The following GABRA4 variants were observed in gnomAD, a reference collection of about 807,000 sequenced individuals.
GABRA4 encodes gamma-aminobutyric acid receptor subunit alpha-4.
GABRA4 carries 12 observed loss-of-function variants against 49.7 expected under a neutral mutation model. The ratio of observed to expected loss-of-function variants is 0.24; its 90% CI spans 0.15 to 0.39. The LOEUF (loss-of-function observed/expected upper bound fraction) is 0.39. GABRA4 is among the 10% of genes least tolerant of loss of function. GABRA4 has a pLI of 1.00. For synonymous variants in GABRA4, 288 were observed against 240.2 expected, an observed-to-expected ratio of 1.20 and a Z score of -1.84; for missense variants, 506 against 686.0, an observed-to-expected ratio of 0.74 and a Z score of 2.93.
At chr4:46,981,904 G>A (rs1385706457) in intron 2 of GABRA4, among the ~76,000 whole-genome samples, 1 of 152,072 alleles carries the variant, frequency 6.6e-6, no homozygotes, top group Non-Finnish European at 1.5e-5. Flanking sequence ...AGAACTCCAA[G>A]AGGACAAGAT....
At chr4:46,938,427 G>A (rs1174695534) in intron 8 of GABRA4, among the ~76,000 whole-genome samples, 1 of 151,988 alleles carries the variant, frequency 6.6e-6, no homozygotes, top group Non-Finnish European at 1.5e-5. Context: ...AGGCAACAGG[G>A]GCACTGTCTT....
At chr4:46,974,187 G>C in intron 6 of GABRA4, 45 bp downstream of exon 6, 1 of 1,556,288 alleles carries the variant, frequency 6.4e-7, no homozygotes, top group East Asian at 2.3e-5. Flanking sequence ...AAACTTTATT[G>C]CTAACACCAA....
intron 2 of GABRA4, among the ~76,000 whole-genome samples, chr4:46,989,599 T>C (rs1257254022): frequency 6.6e-6 from 1 of 152,242 alleles, no homozygotes; most frequent in African/African-American, 2.4e-5. Flanking sequence ...TCGCAAGCTG[T>C]GCTGCTGAGT....
intron 2 of GABRA4, among the ~76,000 whole-genome samples, chr4:46,982,599 C>T (rs1000194297): frequency 6.6e-6 from 1 of 152,014 alleles, no homozygotes; most frequent in Admixed American, 6.6e-5. Flanking sequence ...TTCCTATGTT[C>T]TTTCCTGGAG....
intron 8 of GABRA4, among the ~76,000 whole-genome samples, chr4:46,945,640 A>G (rs1312444807): frequency 2.0e-5 from 3 of 152,156 alleles, no homozygotes; most frequent in Non-Finnish European, 4.4e-5. Context: ...CTAAACTGAA[A>G]TACTGCTCTT....
At chr4:46,990,283 A>G (rs1723697706) in intron 2 of GABRA4, among the ~76,000 whole-genome samples, 1 of 152,230 alleles carries the variant, frequency 6.6e-6, no homozygotes, top group Non-Finnish European at 1.5e-5. Flanking sequence ...GACAAATTAG[A>G]TGACTAATAA....
chr4:46,929,413 G>T (rs1039398313), intron 8 of GABRA4, among the ~76,000 whole-genome samples: 1 of 151,844 alleles, frequency 6.6e-6, no homozygotes, highest in Non-Finnish European at 1.5e-5. Flanking sequence ...ATTAGAAAAA[G>T]GTTGTATTAG....
chr4:46,958,840 A>G (rs955358512), intron 8 of GABRA4, among the ~76,000 whole-genome samples: 6 of 151,966 alleles, frequency 3.9e-5, no homozygotes, highest in African/African-American at 1.4e-4. Context: ...ATGATGAATC[A>G]AACTACCAGT....
chr4:46,919,842 C>T lies in GABRA4; in HGVS notation c.*8383G>A, dbSNP rs1720908803. 6.6e-6 allele frequency: 1 copy of T among 151,644 alleles called. No homozygotes were observed. Among genetic ancestry groups the T allele is most frequent in the Non-Finnish European group, 1.5e-5 (1 of 67,670 alleles). 9.4% of individuals were successfully genotyped at this position (151,644 alleles called of 1,614,324 possible). A position where few individuals can be genotyped will look rare whatever the true frequency, so the allele number is the denominator to read the frequency against. Reference sequence around the variant, plus strand: ...GAAAAAATTAACCTTCTATTTCAAACTACAGACATTCAAAGTATTATCGCA... The same window carrying T: ...GAAAAAATTAACCTTCTATTTCAAATTACAGACATTCAAAGTATTATCGCA... On this transcript the variant is annotated 3_prime_UTR_variant, in exon 9 of 9. Transcript: ENST00000264318.
In GABRA4 at chr4:46,965,033, C is replaced by A. The variant is rs200298619; in HGVS notation, c.1071G>T (p.Lys357Asn). The A allele has an allele frequency of 2.2e-5, 36 of 1,611,724 alleles. No individual in the cohort carries two copies. Among genetic ancestry groups the A allele is most frequent in the Non-Finnish European group, 2.9e-5 (34 of 1,178,764 alleles). The change falls in exon 8 of 9, where the codon AAG becomes AAT. Residue 357 changes from lysine (K) to asparagine (N), a missense_variant. Transcript: ENST00000264318. ...QMEKAKRKTS[K>N]PPQEVPAAPV... Reference sequence around the variant, plus strand: ...GAGCAGCGGGAACTTCCTGAGGGGGCTTTGATGTCTTCCTTTTGGCTTTTT... The same window carrying A: ...GAGCAGCGGGAACTTCCTGAGGGGGATTTGATGTCTTCCTTTTGGCTTTTT...
chr4:46,954,480 C>A (rs959705665), intron 8 of GABRA4, among the ~76,000 whole-genome samples: 1 of 151,612 alleles, frequency 6.6e-6, no homozygotes, highest in African/African-American at 2.4e-5. Context: ...TCACTTGAAT[C>A]CGGGAGGTGG....
At chr4:46,967,678 G>C (rs1023114302) in intron 7 of GABRA4, among the ~76,000 whole-genome samples, 2 of 151,572 alleles carry the variant, frequency 1.3e-5, no homozygotes, top group Non-Finnish European at 3.0e-5. Context: ...TTCATCTGTC[G>C]TGTATGGCTT....
chr4:46,923,603 G>A lies in GABRA4; in HGVS notation c.*4622C>T, dbSNP rs1254465493. 6.6e-6 allele frequency: 1 copy of A among 151,774 alleles called. No individual in the cohort carries two copies. The highest frequency in any genetic ancestry group is 1.5e-5 in the Non-Finnish European group (1 of 67,922). The allele number at this position is 151,774 out of a possible 1,614,324, so 9.4% of individuals were successfully genotyped here. On this transcript the variant is annotated 3_prime_UTR_variant, in exon 9 of 9. Transcript: ENST00000264318. ...TCAAAAAAAGAAAAAAGGAATAGAA[G>A]GCAAAGTTTAAGACAGGAAAGAAAA...
chr4:46,922,868 C>G lies in GABRA4; in HGVS notation c.*5357G>C, dbSNP rs538153054. ...AGTTACAGAGCAGTGGTCCCCAACC[C>G]CTGGGCCACTGACCAGTACTTATCC... On this transcript the variant is annotated 3_prime_UTR_variant, in exon 9 of 9. Coordinates refer to ENST00000264318, the MANE Select transcript of GABRA4 (RefSeq NM_000809.4). The G allele has an allele frequency of 2.1e-4, 32 of 152,174 alleles. No homozygotes were observed. Among genetic ancestry groups the G allele is most frequent in the African/African-American group, 7.0e-4 (29 of 41,524 alleles). The allele number at this position is 152,174 out of a possible 1,614,324, so 9.4% of individuals were successfully genotyped here.
At chr4:46,980,935 G>T (rs908179903) in intron 2 of GABRA4, among the ~76,000 whole-genome samples, 1 of 152,034 alleles carries the variant, frequency 6.6e-6, no homozygotes, top group Non-Finnish European at 1.5e-5. Flanking sequence ...GAATAATTAA[G>T]GTTGGTTATG....
At chr4:46,963,359 CTTG>C (rs1363740689) in intron 8 of GABRA4, among the ~76,000 whole-genome samples, 2 of 151,906 alleles carry the variant, frequency 1.3e-5, no homozygotes, top group Middle Eastern at 3.4e-3. Context: ...AGAATTCCCA[CTTG>C]TTGTAGGAGG....
intron 2 of GABRA4, among the ~76,000 whole-genome samples, chr4:46,989,303 C>G (rs1232849154): frequency 1.3e-5 from 2 of 152,102 alleles, no homozygotes; most frequent in African/African-American, 2.4e-5. Flanking sequence ...TGAAAGTGAA[C>G]GAGAGCTAGG....
At chr4:46,968,394 A>G (rs112200490) in intron 7 of GABRA4, among the ~76,000 whole-genome samples, 2,323 of 151,370 alleles carry the variant, frequency 0.015, 33 homozygotes, top group Non-Finnish European at 0.023. Context: ...ACACCCACAA[A>G]GCATCTTTAG....
chr4:46,992,762 C>CAGACAGACAGGAAGACCAAGAGAG, intron 2 of GABRA4, 66 bp downstream of exon 2: 1 of 1,129,176 alleles, frequency 8.9e-7, no homozygotes, highest in Non-Finnish European at 1.4e-6. Context: ...TTCCCACAGA[C>CAGACAGACAGGAAGACCAAGAGAG]AGACAGACAG....
Sources: gnomAD v4.1 joint callset for allele counts (sites outside exome capture counted in the v4.1 genomes callset) on GRCh38, gnomAD v4.1.1 for gene constraint, MANE v1.5 for transcripts, NCBI Gene and HGNC (gene_info 2026-07-23, HGNC 2026-07-21) for gene names.